The following PDE8A variants were observed in gnomAD, a reference collection of about 807,000 sequenced individuals.
The protein encoded by PDE8A is phosphodiesterase 8A.
In PDE8A, 59 loss-of-function variants were observed where a neutral mutation model predicts 105.0. That is an observed-to-expected ratio of 0.56 (90% CI 0.46 to 0.70). The LOEUF (loss-of-function observed/expected upper bound fraction) is 0.70, where lower values mean the gene tolerates loss of function less well. Among genes scored for constraint, PDE8A ranks in the 30% least tolerant of loss-of-function variants. PDE8A has a pLI of 0.00. For synonymous variants in PDE8A, 355 were observed against 371.9 expected (o/e 0.95, Z 0.52); for missense variants, 1,014 against 1,045.9 (o/e 0.97, Z 0.42).
At chr15:85,105,722 G>A (rs1004119641) in intron 11 of PDE8A, among the ~76,000 whole-genome samples, 2 of 152,200 alleles carry the variant, frequency 1.3e-5, no homozygotes, top group Non-Finnish European at 2.9e-5. Flanking sequence ...CTGAGCCCAA[G>A]CCCTGGCTAT....
At chr15:85,054,817 C>T (rs1277282220) in intron 1 of PDE8A, among the ~76,000 whole-genome samples, 1 of 152,194 alleles carries the variant, frequency 6.6e-6, no homozygotes, top group Non-Finnish European at 1.5e-5. Flanking sequence ...TCCTTCAGTT[C>T]TGCTCTGATC....
At position 85,137,985 on chromosome 15, in the gene PDE8A, T is replaced by C; in HGVS notation, c.*82T>C. On this transcript the variant is annotated 3_prime_UTR_variant, in exon 22 of 22. Transcript: ENST00000394553. ...GAGGGCAGCCAGAGCTCCTTGGTCC[T>C]TTCAGTACTAGGCAGAACAGCCCCC... The C allele has an allele frequency of 1.2e-6, 1 of 844,172 alleles. No homozygotes were observed. The highest frequency in any genetic ancestry group is 2.0e-6 in the Non-Finnish European group (1 of 501,436). 52.3% of individuals were successfully genotyped at this position (844,172 alleles called of 1,614,324 possible). A position where few individuals can be genotyped will look rare whatever the true frequency, so the allele number is the denominator to read the frequency against.
chr15:85,007,881 T>A (rs2080174771), intron 1 of PDE8A, among the ~76,000 whole-genome samples: 1 of 152,168 alleles, frequency 6.6e-6, no homozygotes, highest in Non-Finnish European at 1.5e-5. Context: ...CAAATGACAT[T>A]CCTAAGTATG....
At chr15:85,108,907 A>C (rs2081982968) in intron 11 of PDE8A, 146 bp from the exon 12 acceptor site, 2 of 525,054 alleles carry the variant, frequency 3.8e-6, no homozygotes, top group Non-Finnish European at 6.9e-6. Flanking sequence ...CTGGTTTCTC[A>C]TAGTCTTCAT....
At chr15:84,999,338 T>C (rs1396509812) in intron 1 of PDE8A, among the ~76,000 whole-genome samples, 4 of 152,050 alleles carry the variant, frequency 2.6e-5, no homozygotes, top group African/African-American at 9.7e-5. Flanking sequence ...CCAGGCCTGG[T>C]CTTTGAACTC....
intron 1 of PDE8A, among the ~76,000 whole-genome samples, chr15:84,984,922 C>CA (rs34026921): frequency 0.011 from 1,573 of 141,444 alleles, 20 homozygotes; most frequent in African/African-American, 0.033. Flanking sequence ...TTCCAAAAGC[C>CA]AAAAAAAAAA....
chr15:85,053,627 T>C (rs958122526), intron 1 of PDE8A, among the ~76,000 whole-genome samples: 2 of 138,580 alleles, frequency 1.4e-5, no homozygotes, highest in Non-Finnish European at 3.2e-5. Flanking sequence ...CTGTCTGTTA[T>C]TGGTGTATAG....
chr15:85,060,148 A>T lies in PDE8A; in HGVS notation c.187-4222A>T, dbSNP rs181278606. Among the ~76,000 whole-genome samples the T allele has an allele frequency of 8.9e-4, 136 of 152,118 alleles. 1 individual carries two copies. Among genetic ancestry groups the T allele is most frequent in the Non-Finnish European group, 2.4e-4 (16 of 67,994 alleles). ...TTTTGTGTTCAGTTGATTTTTTGTA[A>T]TGCAATATTTAAATTCCTTTCTCAT... is the stretch of plus-strand genomic sequence containing the variant. On this transcript the variant is annotated intron_variant, in intron 1 of 21. Transcript: ENST00000394553.
At chr15:85,112,064 A>C (rs570602995) in intron 12 of PDE8A, among the ~76,000 whole-genome samples, 1 of 152,286 alleles carries the variant, frequency 6.6e-6, no homozygotes, top group South Asian at 2.1e-4. Context: ...ACTGTAAAAG[A>C]AGAGGAGTGC....
Position 85,137,810 on chromosome 15 carries a change from G to C in PDE8A, c.2397G>C (p.Leu799=). The change falls in exon 22 of 22, where the codon CTG becomes CTC. Residue 799 remains leucine, a synonymous_variant. Transcript: ENST00000394553. ...CTTTCTCTCCAGCCTTTGTAGACCT[G>C]CCTGATTTAATGCAGCATCTTGACA... is the stretch of plus-strand genomic sequence containing the variant. ...MFDAWDAFVD[L]PDLMQHLDNN... is the part of the protein sequence containing the mutation. The C allele has an allele frequency of 6.2e-7, 1 of 1,609,018 alleles. No individual in the cohort carries two copies. The highest frequency in any genetic ancestry group is 8.5e-7 in the Non-Finnish European group (1 of 1,175,314).
At chr15:85,047,135 A>G (rs936534722) in intron 1 of PDE8A, among the ~76,000 whole-genome samples, 2 of 152,232 alleles carry the variant, frequency 1.3e-5, no homozygotes, top group African/African-American at 2.4e-5. Flanking sequence ...AATCAAAGCT[A>G]TGCTATTTAA....
chr15:85,112,881 C>T (rs2141599029), intron 12 of PDE8A, among the ~76,000 whole-genome samples: 1 of 152,212 alleles, frequency 6.6e-6, no homozygotes. Context: ...CTAATCAGTC[C>T]AGATTAAACA....
chr15:84,983,443 T>C (rs1402436403), intron 1 of PDE8A, among the ~76,000 whole-genome samples: 1 of 152,246 alleles, frequency 6.6e-6, no homozygotes, highest in Non-Finnish European at 1.5e-5. Flanking sequence ...CTGTCTTACA[T>C]TTCTAGCAGT....
chr15:85,102,415 C>G (rs1247177038), intron 11 of PDE8A, among the ~76,000 whole-genome samples: 1 of 152,070 alleles, frequency 6.6e-6, no homozygotes, highest in Non-Finnish European at 1.5e-5. Context: ...AGGGCAGAAG[C>G]CAGATTGCAG....
At chr15:85,106,126 TCA>T in intron 11 of PDE8A, among the ~76,000 whole-genome samples, 1 of 152,048 alleles carries the variant, frequency 6.6e-6, no homozygotes, top group East Asian at 1.9e-4. Context: ...CCTCCACTTT[TCA>T]CAGTGCGTCC....
chr15:85,096,015 A>G (rs1379558812), intron 8 of PDE8A, among the ~76,000 whole-genome samples: 1 of 151,970 alleles, frequency 6.6e-6, no homozygotes, highest in East Asian at 1.9e-4. Flanking sequence ...AGCTGGGACT[A>G]CAGGCACATG....
chr15:85,118,930 G>A (rs568534112), intron 17 of PDE8A, among the ~76,000 whole-genome samples: 3 of 152,268 alleles, frequency 2.0e-5, no homozygotes, highest in African/African-American at 4.8e-5. Flanking sequence ...AGAACTTTCC[G>A]TGCTCCCTCT....
At chr15:85,050,528 A>G (rs150507901) in intron 1 of PDE8A, among the ~76,000 whole-genome samples, 121 of 152,186 alleles carry the variant, frequency 8.0e-4, no homozygotes, top group African/African-American at 2.7e-3. Flanking sequence ...CATTCTTTGG[A>G]TGTGGTTATC....
intron 1 of PDE8A, among the ~76,000 whole-genome samples, chr15:85,048,105 A>G (rs920343481): frequency 6.6e-6 from 1 of 152,116 alleles, no homozygotes; most frequent in Non-Finnish European, 1.5e-5. Context: ...TTTCCAAGTT[A>G]ACTGTAGGCA....
Sources: allele counts gnomAD v4.1 joint callset (sites outside exome capture counted in the v4.1 genomes callset), GRCh38; gene constraint gnomAD v4.1.1; transcripts MANE v1.5; gene names NCBI Gene and HGNC (gene_info 2026-07-23, HGNC 2026-07-21).